Variants in CNBD1 observed in about 807,000 individuals in gnomAD.
CNBD1 encodes cyclic nucleotide-binding domain-containing protein 1.
In CNBD1, 71 loss-of-function variants were observed where a neutral mutation model predicts 54.4. That is an observed-to-expected ratio of 1.30 (90% CI 1.08 to 1.59). The LOEUF (loss-of-function observed/expected upper bound fraction) is 1.59, where lower values mean the gene tolerates loss of function less well. Ranked by LOEUF, CNBD1 falls within the 40% of genes most tolerant of loss-of-function variation. The pLI is 0.00. For synonymous variants in CNBD1, 182 were observed against 170.7 expected, an observed-to-expected ratio of 1.07 and a Z score of -0.51; for missense variants, 659 against 518.0, an observed-to-expected ratio of 1.27 and a Z score of -2.64.
intron 4 of CNBD1, among the ~76,000 whole-genome samples, chr8:86,981,419 T>C (rs1022679544): frequency 1.3e-5 from 2 of 152,244 alleles, no homozygotes; most frequent in Admixed American, 6.5e-5. Context: ...CACAATTCTC[T>C]TATTACCCAG....
chr8:86,996,771 A>G (rs562880725), intron 4 of CNBD1, among the ~76,000 whole-genome samples: 11 of 152,322 alleles, frequency 7.2e-5, no homozygotes, highest in African/African-American at 2.4e-4. Flanking sequence ...TTGGGCTGCT[A>G]TAACAAAGTA....
chr8:87,032,323 C>T (rs773805392), intron 4 of CNBD1, among the ~76,000 whole-genome samples: 33 of 152,178 alleles, frequency 2.2e-4, no homozygotes, highest in South Asian at 2.1e-3. Flanking sequence ...TATTGTTGAT[C>T]GGAAGCCTTA....
In CNBD1 at chr8:87,128,851, A is replaced by G. The variant is rs1586275550; in HGVS notation, c.432-77142A>G. ...TTAATCCTAGCACTTTGGGAGGCTG[A>G]GGTGGGTGGATCATGAGGTCAGGAA... is the stretch of plus-strand genomic sequence containing the variant. On this transcript the variant is annotated intron_variant, in intron 4 of 10. Transcript: ENST00000518476. 1.3e-5 allele frequency among the ~76,000 whole-genome samples: 2 copies of G among 149,972 alleles called. 1 individual carries two copies. Among genetic ancestry groups the G allele is most frequent in the African/African-American group, 4.9e-5 (2 of 40,686 alleles).
intron 4 of CNBD1, among the ~76,000 whole-genome samples, chr8:87,200,827 C>T (rs985549386): frequency 5.3e-5 from 8 of 152,052 alleles, no homozygotes; most frequent in African/African-American, 1.7e-4. Flanking sequence ...CTGCCAAACT[C>T]TTAAGGAACT....
At chr8:87,046,727 T>C (rs187825826) in intron 4 of CNBD1, among the ~76,000 whole-genome samples, 14 of 152,226 alleles carry the variant, frequency 9.2e-5, no homozygotes, top group Admixed American at 7.8e-4. Flanking sequence ...ATGGTGCCAT[T>C]TGGGACTCTA....
intron 3 of CNBD1, among the ~76,000 whole-genome samples, chr8:86,906,515 C>T (rs1421587671): frequency 6.6e-6 from 1 of 150,914 alleles, no homozygotes; most frequent in Non-Finnish European, 1.5e-5. Context: ...TCATACAATG[C>T]TTATACTGTG....
At chr8:86,944,117 T>G (rs923752067) in intron 4 of CNBD1, among the ~76,000 whole-genome samples, 6 of 152,182 alleles carry the variant, frequency 3.9e-5, no homozygotes, top group Non-Finnish European at 2.9e-5. Flanking sequence ...AGGGGCAGCA[T>G]TTCAAAAGAG....
chr8:87,419,012 A>G (rs576710128), intron 2 of CNBD1, among the ~76,000 whole-genome samples: 1 of 152,068 alleles, frequency 6.6e-6, no homozygotes, highest in East Asian at 1.9e-4. Context: ...GAATGTTCAT[A>G]GCAGCATTAC....
intron 8 of CNBD1, among the ~76,000 whole-genome samples, chr8:87,314,344 A>T (rs1809335754): frequency 6.6e-6 from 1 of 151,916 alleles, no homozygotes; most frequent in African/African-American, 2.4e-5. Context: ...TTTTCACTTA[A>T]ATATAAGTCA....
At chr8:86,917,878 A>G (rs969873767) in intron 3 of CNBD1, among the ~76,000 whole-genome samples, 6 of 152,218 alleles carry the variant, frequency 3.9e-5, no homozygotes, top group African/African-American at 1.2e-4. Flanking sequence ...CCTGACAGAA[A>G]CAAAGTTATT....
At chr8:87,076,781 A>G (rs1470820875) in intron 4 of CNBD1, among the ~76,000 whole-genome samples, 1 of 152,146 alleles carries the variant, frequency 6.6e-6, no homozygotes, top group East Asian at 1.9e-4. Context: ...ACCTATTTAA[A>G]CACAATAAAG....
chr8:87,187,752 G>A (rs905374256), intron 4 of CNBD1, among the ~76,000 whole-genome samples: 2 of 152,036 alleles, frequency 1.3e-5, no homozygotes, highest in African/African-American at 4.8e-5. Context: ...TTAATAACCT[G>A]ATCTGGAGTT....
At chr8:87,062,224 A>G (rs527450008) in intron 4 of CNBD1, among the ~76,000 whole-genome samples, 1 of 152,332 alleles carries the variant, frequency 6.6e-6, no homozygotes, top group African/African-American at 2.4e-5. Flanking sequence ...ATTTCAATGA[A>G]TAATTCTTGA....
chr8:87,370,868 G>A (rs186884021), intron 10 of CNBD1, among the ~76,000 whole-genome samples: 5,052 of 150,710 alleles, frequency 0.034, 106 homozygotes, highest in Non-Finnish European at 0.049. Context: ...TAGGTCTAAC[G>A]TTTAAGTCTT....
intron 2 of CNBD1, among the ~76,000 whole-genome samples, chr8:87,389,896 A>G (rs1332981776): frequency 6.6e-6 from 1 of 152,216 alleles, no homozygotes; most frequent in Non-Finnish European, 1.5e-5. Flanking sequence ...GTACCTAAAC[A>G]GAGATATAGA....
intron 3 of CNBD1, 63 bp from the exon 4 acceptor site, chr8:86,939,533 A>C (rs536746208): frequency 8.5e-7 from 1 of 1,177,316 alleles, no homozygotes; most frequent in African/African-American, 1.6e-5. Flanking sequence ...ATATAGTAAA[A>C]GTCCCTGTAA....
At chr8:87,350,765 T>C (rs918996886) in intron 8 of CNBD1, among the ~76,000 whole-genome samples, 2 of 151,982 alleles carry the variant, frequency 1.3e-5, no homozygotes, top group African/African-American at 4.8e-5. Context: ...AATATTGATA[T>C]GTTTCAGATT....
chr8:86,990,774 C>A (rs1808727261), intron 4 of CNBD1, among the ~76,000 whole-genome samples: 1 of 152,032 alleles, frequency 6.6e-6, no homozygotes, highest in African/African-American at 2.4e-5. Flanking sequence ...CTATAGATTG[C>A]TTTAGGTAGT....
At chr8:86,991,289 A>G (rs1205064829) in intron 4 of CNBD1, among the ~76,000 whole-genome samples, 6 of 152,070 alleles carry the variant, frequency 3.9e-5, no homozygotes, top group African/African-American at 1.4e-4. Flanking sequence ...GTTTTTCCTC[A>G]TTTAATGTGA....
Sources: gnomAD v4.1 joint callset for allele counts (sites outside exome capture counted in the v4.1 genomes callset) on GRCh38, gnomAD v4.1.1 for gene constraint, MANE v1.5 for transcripts, NCBI Gene and HGNC (gene_info 2026-07-23, HGNC 2026-07-21) for gene names.